The following KLF12 variants were observed in gnomAD, a reference collection of about 807,000 sequenced individuals.
KLF12 encodes the protein KLF transcription factor 12.
KLF12 carries 9 observed loss-of-function variants against 37.8 expected under a neutral mutation model. The observed-to-expected ratio is 0.24, with a 90% CI of 0.14 to 0.42. The LOEUF (loss-of-function observed/expected upper bound fraction) is 0.42. Ranked by LOEUF, KLF12 falls within the 10% of genes least tolerant of loss-of-function variation. The pLI, the probability that KLF12 is intolerant of heterozygous loss-of-function variation, is 1.00. For missense variants in KLF12, 411 were observed against 516.0 expected, an observed-to-expected ratio of 0.80 and a Z score of 1.97; for synonymous variants, 208 against 202.1, an observed-to-expected ratio of 1.03 and a Z score of -0.25.
At chr13:74,070,016 A>T (rs1301721583) in intron 1 of KLF12, among the ~76,000 whole-genome samples, 1 of 152,180 alleles carries the variant, frequency 6.6e-6, no homozygotes, top group African/African-American at 2.4e-5. Context: ...AGGTGAAGAG[A>T]TCTATTTAAG....
At chr13:74,233,236 G>A in the KLF12 span, among the ~76,000 whole-genome samples, 4 of 151,816 alleles carry the variant, frequency 2.6e-5, no homozygotes, top group African/African-American at 7.3e-5. Context: ...TGTTGTTGTC[G>A]GCCTACATGG....
Position 74,050,839 on chromosome 13 carries a change from C to G in KLF12, c.-31-55786G>C, listed in dbSNP as rs144266077. Among the ~76,000 whole-genome samples, 3 of 151,852 alleles carry G rather than the reference C, an allele frequency of 2.0e-5. No individual in the cohort carries two copies. In the East Asian group the frequency reaches 5.8e-4, roughly 29 times the overall value. The stretch of plus-strand genomic sequence containing the variant: ...ATTCATTTGATAAGGAGTTAATATC[C>G]AAAATATAAAAGGAACTCAATAGCA... On this transcript the variant is annotated intron_variant, in intron 1 of 7. Transcript: ENST00000377669.
At chr13:74,122,817 C>T (rs1238638643) in intron 1 of KLF12, among the ~76,000 whole-genome samples, 1 of 151,896 alleles carries the variant, frequency 6.6e-6, no homozygotes, top group East Asian at 1.9e-4. Context: ...TGACTAAAAA[C>T]TGTGTATGTG....
At chr13:73,965,484 T>C (rs1415743404) in intron 2 of KLF12, among the ~76,000 whole-genome samples, 3 of 152,130 alleles carry the variant, frequency 2.0e-5, no homozygotes, top group African/African-American at 7.2e-5. Context: ...AGTGATAGGA[T>C]GTGTAGGCCA....
Position 73,982,405 on chromosome 13 carries a change from T to C in KLF12, c.33+12585A>G, listed in dbSNP as rs750648587. ...TAAATGTACACTTAGGCAAAGACAA[T>C]TGTCAGAAAGGATATCTTCCATTAT... On this transcript the variant is annotated intron_variant, in intron 2 of 7. Transcript: ENST00000377669. 5.3e-5 allele frequency among the ~76,000 whole-genome samples: 8 copies of C among 151,784 alleles called. 1 individual carries two copies. Among genetic ancestry groups the C allele is most frequent in the Non-Finnish European group, 1.0e-4 (7 of 67,962 alleles).
At chr13:73,893,685 TA>T (rs1424158012) in intron 3 of KLF12, among the ~76,000 whole-genome samples, 2 of 152,078 alleles carry the variant, frequency 1.3e-5, no homozygotes, top group African/African-American at 4.8e-5. Flanking sequence ...CCCAGCCTAA[TA>T]TTGATTGTTT....
intron 3 of KLF12, among the ~76,000 whole-genome samples, chr13:73,901,257 C>T (rs1888027717): frequency 6.6e-6 from 1 of 152,158 alleles, no homozygotes; most frequent in African/African-American, 2.4e-5. Flanking sequence ...CTGGGCTAAA[C>T]AAATCAGTCA....
intron 2 of KLF12, among the ~76,000 whole-genome samples, chr13:73,954,163 A>G (rs1890752061): frequency 6.6e-6 from 1 of 151,504 alleles, no homozygotes; most frequent in South Asian, 2.1e-4. Flanking sequence ...TATTTTTAGT[A>G]GAGGCGGGGT....
intron 3 of KLF12, among the ~76,000 whole-genome samples, chr13:73,853,817 GT>G (rs1885464597): frequency 1.3e-5 from 2 of 151,686 alleles, no homozygotes; most frequent in African/African-American, 4.8e-5. Flanking sequence ...GAACATAAAT[GT>G]GTTCCAGATA....
chr13:73,977,051 C>CTTTTT (rs113481989), intron 2 of KLF12, among the ~76,000 whole-genome samples: 1 of 139,704 alleles, frequency 7.2e-6, no homozygotes, highest in East Asian at 2.1e-4. Context: ...AGACAACATA[C>CTTTTT]TTTTTTTTTT....
chr13:73,874,561 T>C (rs1008683870), intron 3 of KLF12, among the ~76,000 whole-genome samples: 12 of 152,164 alleles, frequency 7.9e-5, no homozygotes, highest in Non-Finnish European at 1.5e-4. Flanking sequence ...TTGGAATCAA[T>C]CCAATAATTG....
intron 1 of KLF12, among the ~76,000 whole-genome samples, chr13:74,041,147 A>C (rs1893392710): frequency 6.6e-6 from 1 of 152,200 alleles, no homozygotes; most frequent in African/African-American, 2.4e-5. Context: ...CACTCCGCTC[A>C]CATCACTCCT....
chr13:73,938,919 T>C (rs995655140), intron 3 of KLF12, among the ~76,000 whole-genome samples: 1 of 152,216 alleles, frequency 6.6e-6, no homozygotes, highest in Non-Finnish European at 1.5e-5. Context: ...TACATGGCTA[T>C]GGCAAAGAGG....
At chr13:74,135,400 G>GTCCTTGACGCTC, upstream of KLF12, among the ~76,000 whole-genome samples, 1 of 152,058 alleles carries the variant, frequency 6.6e-6, no homozygotes, top group East Asian at 2.0e-4. Flanking sequence ...CCGGAGCCGA[G>GTCCTTGACGCTC]TCCTTGACGC....
chr13:73,778,708 G>C (rs1325492515), intron 5 of KLF12, among the ~76,000 whole-genome samples: 1 of 152,082 alleles, frequency 6.6e-6, no homozygotes, highest in Non-Finnish European at 1.5e-5. Flanking sequence ...ACAACAGCCT[G>C]TCACGCAGGT....
At chr13:74,084,453 A>T (rs992691123) in intron 1 of KLF12, among the ~76,000 whole-genome samples, 6 of 152,172 alleles carry the variant, frequency 3.9e-5, no homozygotes, top group African/African-American at 7.2e-5. Flanking sequence ...TAGATTTTAA[A>T]GGTCAAGTTC....
At chr13:73,901,549 T>C (rs1408586502) in intron 3 of KLF12, among the ~76,000 whole-genome samples, 1 of 152,082 alleles carries the variant, frequency 6.6e-6, no homozygotes, top group East Asian at 1.9e-4. Context: ...TCTGTCCTGA[T>C]GGTTATAAAT....
chr13:74,100,042 AGG>A (rs929601319), intron 1 of KLF12, among the ~76,000 whole-genome samples: 30 of 152,214 alleles, frequency 2.0e-4, no homozygotes, highest in African/African-American at 7.0e-4. Context: ...CAGAGTGTGG[AGG>A]GGAGAGAGAG....
chr13:74,232,166 A>C, the KLF12 span, among the ~76,000 whole-genome samples: 11 of 152,276 alleles, frequency 7.2e-5, no homozygotes, highest in African/African-American at 2.6e-4. Context: ...GGGAAGAAGG[A>C]GGGAGTCAGA....
Sources: allele counts gnomAD v4.1 joint callset (sites outside exome capture counted in the v4.1 genomes callset), GRCh38; gene constraint gnomAD v4.1.1; transcripts MANE v1.5; gene names NCBI Gene and HGNC (gene_info 2026-07-23, HGNC 2026-07-21).